The following ZNF606 variants were observed in gnomAD, a reference collection of about 807,000 sequenced individuals.
ZNF606 encodes zinc finger protein 606, also known as zinc finger protein 328.
In ZNF606, 37 loss-of-function variants were observed where a neutral mutation model predicts 74.9. The ratio of observed to expected loss-of-function variants is 0.49; its 90% confidence interval spans 0.38 to 0.65. The LOEUF is 0.65. Ranked by LOEUF, ZNF606 falls within the 30% of genes least tolerant of loss-of-function variation. The probability of loss-of-function intolerance (pLI) is 0.00; values close to 1 mark genes in which losing one functional copy is unlikely to be tolerated. For synonymous variants in ZNF606, 328 were observed against 312.4 expected, an observed-to-expected ratio of 1.05 and a Z score of -0.53; for missense variants, 852 against 952.9, an observed-to-expected ratio of 0.89 and a Z score of 1.39.
At chr19:57,988,385 G>GT in intron 5 of ZNF606, 83 bp from the exon 6 acceptor site, 1 of 1,454,370 alleles carries the variant, frequency 6.9e-7, no homozygotes, top group Non-Finnish European at 9.5e-7. Context: ...ATTCCTCCCT[G>GT]TGACTTCTCA....
intron 6 of ZNF606, among the ~76,000 whole-genome samples, chr19:57,983,608 A>G (rs995025635): frequency 6.6e-6 from 1 of 152,008 alleles, no homozygotes; most frequent in Non-Finnish European, 1.5e-5. Flanking sequence ...AAAAAGAAAT[A>G]TCACTCTGAG....
intron 4 of ZNF606, among the ~76,000 whole-genome samples, chr19:57,993,140 T>A (rs906162394): frequency 1.3e-5 from 2 of 152,156 alleles, no homozygotes; most frequent in African/African-American, 4.8e-5. Context: ...CAGTCTCCCC[T>A]TGAGCCTCCA....
chr19:57,988,126 A>G, intron 6 of ZNF606, 81 bp downstream of exon 6: 43 of 935,640 alleles, frequency 4.6e-5, no homozygotes, highest in Non-Finnish European at 6.8e-5. Flanking sequence ...TGAGGAAGGT[A>G]ACTCTTCATG....
chr19:57,992,033 A>G (rs1226996198), intron 4 of ZNF606, among the ~76,000 whole-genome samples: 3 of 152,280 alleles, frequency 2.0e-5, no homozygotes, highest in Non-Finnish European at 2.9e-5. Context: ...ATGGCTGACC[A>G]GCTGGTAGAC....
At chr19:58,001,152 C>A in intron 2 of ZNF606, 137 bp downstream of exon 2, 1 of 1,001,638 alleles carries the variant, frequency 1.0e-6, no homozygotes, top group Non-Finnish European at 1.5e-6. Flanking sequence ...CCTTTACCAC[C>A]AATCAGTTCT....
chr19:57,999,878 G>A lies in ZNF606; in HGVS notation c.107C>T (p.Pro36Leu), dbSNP rs966932671. ...WASWALCPQY[P>L]AWHVEGSLEE... ...CAGGCTTCCCTCCACGTGCCAGGCA[G>A]GATACTGAGGACACAGAGCTAGGAA... Residue 36 changes from proline (P) to leucine (L), a missense_variant, in exon 4 of 7, where the codon CCT (proline) becomes CTT (leucine). By Grantham distance (98) the Pro-to-Leu change is moderately conservative. Transcript: ENST00000551380. 1 of 1,613,950 alleles carries A rather than the reference G, an allele frequency of 6.2e-7. No homozygotes were observed. The highest frequency in any genetic ancestry group is 8.5e-7 in the Non-Finnish European group (1 of 1,180,032).
chr19:57,999,533 G>A, intron 4 of ZNF606: 3 of 505,916 alleles, frequency 5.9e-6, no homozygotes, highest in Non-Finnish European at 7.0e-6. Flanking sequence ...TGGCAATAGA[G>A]AAGTGGGGCT....
chr19:57,988,016 C>T (rs906309840), intron 6 of ZNF606, among the ~76,000 whole-genome samples, 191 bp downstream of exon 6: 2 of 152,118 alleles, frequency 1.3e-5, no homozygotes, highest in East Asian at 3.9e-4. Flanking sequence ...GAGCCGACAG[C>T]GAGGGAAAAT....
chr19:58,000,436 A>C (rs2073404029), intron 3 of ZNF606: 1 of 600,332 alleles, frequency 1.7e-6, no homozygotes, highest in Admixed American at 2.7e-5. Context: ...CGTGTTAGCC[A>C]GGATGGTCTC....
rs1374191307 is a variant in ZNF606, at chr19:57,980,267, T to C, written c.413A>G (p.Asn138Ser). 27 of 1,604,776 alleles carry C rather than the reference T, an allele frequency of 1.7e-5. No individual in the cohort carries two copies. Among genetic ancestry groups the C allele is most frequent in the Non-Finnish European group, 2.1e-5 (25 of 1,176,082 alleles). ...TGGGATCAATGCTTTGCTTTCAAGATTTCTCACCCATTCTGAAACAGACAG... is the reference window on the plus strand; with the variant it reads ...TGGGATCAATGCTTTGCTTTCAAGACTTCTCACCCATTCTGAAACAGACAG... The part of the protein sequence containing the change: ...PQRTCPEWVR[N>S]LESKALIPAQ... Residue 138 changes from asparagine (N) to serine (S), a missense_variant, in exon 7 of 7, where the codon AAT (asparagine) becomes AGT (serine). Asn to Ser is a conservative substitution (Grantham distance 46). This residue lies in a region of ZNF606 where 545 missense variants were observed against 542.5 expected (regional missense o/e 1.00). Coordinates refer to ENST00000551380, the MANE Select transcript of ZNF606 (RefSeq NM_001348022.3).
intron 4 of ZNF606, chr19:57,998,597 T>C (rs1197634261): frequency 2.0e-5 from 3 of 152,178 alleles, no homozygotes; most frequent in Non-Finnish European, 4.4e-5. Context: ...ACAGGATTTC[T>C]TTTTAGGGTG....
chr19:57,978,624 C>T lies in ZNF606; in HGVS notation c.2056G>A (p.Glu686Lys). ...GEKPYKCNQC[E>K]RSFNCSSHLI... ...TGAGAACTACAGTTAAAGGATCTTT[C>T]ACACTGATTACATTTATAGGGTTTC... Residue 686 changes from glutamate (E) to lysine (K), a missense_variant, in exon 7 of 7, where the codon GAA becomes AAA. Physicochemically the swap from Glu to Lys is moderately conservative, Grantham distance 56 (BLOSUM62 1). Coordinates refer to ENST00000551380, the MANE Select transcript of ZNF606 (RefSeq NM_001348022.3). This position sits in a 1 kb window ranked among gnomAD's most constrained non-coding sequence, Gnocchi z 4.4. 1.2e-6 allele frequency: 2 copies of T among 1,613,990 alleles called. No homozygotes were observed. Among genetic ancestry groups the T allele is most frequent in the Non-Finnish European group, 1.7e-6 (2 of 1,180,024 alleles).
chr19:57,995,559 G>C (rs2073326078), intron 4 of ZNF606, among the ~76,000 whole-genome samples: 1 of 152,164 alleles, frequency 6.6e-6, no homozygotes, highest in Admixed American at 6.5e-5. Context: ...TGGGTGCAGT[G>C]GCTCACACCT....
At chr19:57,998,345 A>C (rs552791724) in intron 4 of ZNF606, 36 of 152,310 alleles carry the variant, frequency 2.4e-4, no homozygotes, top group African/African-American at 7.9e-4. Flanking sequence ...CATTGTAATT[A>C]CACTTATTAC....
chr19:57,988,697 C>A lies in ZNF606; in HGVS notation c.202G>T (p.Ala68Ser), dbSNP rs1183245881. Residue 68 changes from alanine (A) to serine (S), a missense_variant, in exon 5 of 7, where the codon GCC (alanine) becomes TCC (serine). By Grantham distance (99) the Ala-to-Ser change is moderately conservative. Coordinates refer to ENST00000551380, the MANE Select transcript of ZNF606 (RefSeq NM_001348022.3). ...VQEPVTFKDVAVDFTQEEWGQ... is the reference protein window; with the variant it reads ...VQEPVTFKDVSVDFTQEEWGQ... ...CACTCTTCTTGGGTGAAGTCCACGG[C>A]CACGTCCTTGAAGGTCACTGGTTCC... 2 of 1,614,148 alleles carry A rather than the reference C, an allele frequency of 1.2e-6. No individual in the cohort carries two copies. Among genetic ancestry groups the A allele is most frequent in the Non-Finnish European group, 1.7e-6 (2 of 1,180,048 alleles).
chr19:57,988,864 G>T, intron 4 of ZNF606, 143 bp from the exon 5 acceptor site: 1 of 1,358,020 alleles, frequency 7.4e-7, no homozygotes, highest in Non-Finnish European at 1.0e-6. Context: ...ACTAATGTGA[G>T]TCAGGTCTCA....
chr19:57,988,763 C>G lies in ZNF606; in HGVS notation c.178-42G>C, dbSNP rs112133315. The G allele has an allele frequency of 2.2e-3, 3,590 of 1,612,706 alleles. 77 individuals carry two copies. The African/African-American group carries it at 0.043, about 20-fold the overall frequency. ...GTTCCTTCTCAGCCTGTGACCACCC[C>G]CTCCAATATTTCCAGGGATGGAGTG... is the stretch of plus-strand genomic sequence containing the variant. On this transcript the variant is annotated intron_variant, in intron 4 of 6. Coordinates refer to ENST00000551380, the MANE Select transcript of ZNF606 (RefSeq NM_001348022.3).
At chr19:58,002,831 G>A (rs1568588103), upstream of ZNF606, 1 of 447,490 alleles carries the variant, frequency 2.2e-6, no homozygotes, top group Admixed American at 2.4e-5. Flanking sequence ...GGAGCGCGCC[G>A]CGGGGTCTGC....
chr19:57,999,603 T>C (rs545605480), intron 4 of ZNF606: 1 of 575,686 alleles, frequency 1.7e-6, no homozygotes, highest in East Asian at 2.8e-5. Flanking sequence ...TGGAGCTCAG[T>C]ACTGTGGACA....
Sources: allele counts gnomAD v4.1 joint callset (sites outside exome capture counted in the v4.1 genomes callset), GRCh38; gene constraint gnomAD v4.1.1; regional missense constraint gnomAD v4.1.1; non-coding constraint Gnocchi (gnomAD v3.1); transcripts MANE v1.5; gene names NCBI Gene and HGNC (gene_info 2026-07-23, HGNC 2026-07-21).